PLAAT5: variants seen among roughly 807,000 people sequenced by gnomAD.
The protein encoded by PLAAT5 is phospholipase A and acyltransferase 5.
Under a neutral mutation model 27.8 loss-of-function variants are expected in PLAAT5, and 27 were observed. The observed-to-expected ratio is 0.97, with a 90% CI of 0.72 to 1.34. The LOEUF is 1.34. Ranked by LOEUF, PLAAT5 falls within the 40% of genes most tolerant of loss-of-function variation. The pLI, the probability that PLAAT5 is intolerant of heterozygous loss-of-function variation, is 0.00. For synonymous variants in PLAAT5, 125 were observed against 136.1 expected (o/e 0.92, Z 0.57); for missense variants, 368 against 343.8 (o/e 1.07, Z -0.56).
intron 3 of PLAAT5, among the ~76,000 whole-genome samples, chr11:63,486,448 A>G (rs1340862390): frequency 6.6e-6 from 1 of 152,158 alleles, no homozygotes; most frequent in Non-Finnish European, 1.5e-5. Context: ...ACACACACAC[A>G]TACACACACA....
intron 3 of PLAAT5, among the ~76,000 whole-genome samples, chr11:63,485,886 G>C (rs537555794): frequency 1.3e-5 from 2 of 152,148 alleles, no homozygotes; most frequent in African/African-American, 4.8e-5. Context: ...TTCAACAAAG[G>C]ACTAATATCC....
At chr11:63,480,513 G>C (rs753998566) in intron 3 of PLAAT5, among the ~76,000 whole-genome samples, 7 of 152,206 alleles carry the variant, frequency 4.6e-5, no homozygotes, top group Non-Finnish European at 7.3e-5. Context: ...GGGATTCACA[G>C]AGACTTAACA....
chr11:63,463,677 T>C (rs1419205399), intron 5 of PLAAT5, 82 bp from the exon 6 acceptor site: 1 of 1,029,748 alleles, frequency 9.7e-7, no homozygotes, highest in Non-Finnish European at 1.5e-6. Flanking sequence ...ACCATACCCA[T>C]TCAGCAACCA....
chr11:63,490,238 C>T lies in PLAAT5; in HGVS notation c.239+5G>A, dbSNP rs748242158. 18 of 1,614,106 alleles carry T rather than the reference C, an allele frequency of 1.1e-5. No individual in the cohort carries two copies. The East Asian group carries it at 2.9e-4, about 26-fold the overall frequency. On this transcript the variant is annotated splice_donor_5th_base_variant and intron_variant, in intron 2 of 5. Transcript: ENST00000540857. ...CCAAAGACCCCAACCTTACAATCTTCTTACCCTTGCTGGATGCTTCTGCCC... is the reference window on the plus strand; with the variant it reads ...CCAAAGACCCCAACCTTACAATCTTTTTACCCTTGCTGGATGCTTCTGCCC...
chr11:63,473,860 C>T (rs904390985), intron 3 of PLAAT5, among the ~76,000 whole-genome samples: 7 of 151,826 alleles, frequency 4.6e-5, no homozygotes, highest in East Asian at 1.9e-4. Flanking sequence ...TACAGGCATG[C>T]GTCACCACTC....
At position 63,466,309 on chromosome 11, in the gene PLAAT5, C is replaced by T; in HGVS notation, c.518G>A (p.Ser173Asn). Residue 173 changes from serine (S) to asparagine (N), a missense_variant, in exon 5 of 6, where the codon AGT (serine) becomes AAT (asparagine). By Grantham distance (46) the Ser-to-Asn change is conservative. Transcript: ENST00000540857. ...IFSNRAVVKY[S>N]RLEDVLHGCS... ...GCCATGCAGCACATCCTCCAGACGA[C>T]TGTATTTCACCACGGCCCGATTGCT... 6.2e-7 allele frequency: 1 copy of T among 1,614,176 alleles called. No individual in the cohort carries two copies. Among genetic ancestry groups the T allele is most frequent in the Non-Finnish European group, 8.5e-7 (1 of 1,180,026 alleles).
intron 3 of PLAAT5, among the ~76,000 whole-genome samples, chr11:63,475,240 G>A (rs1402700378): frequency 6.6e-6 from 1 of 151,772 alleles, no homozygotes; most frequent in Non-Finnish European, 1.5e-5. Context: ...TTGAGAGTGG[G>A]GTATTGAAGT....
In PLAAT5 at chr11:63,468,255, T is replaced by C; in HGVS notation, c.454+102A>G. The C allele has an allele frequency of 4.5e-6, 4 of 879,564 alleles. 1 individual carries two copies. The South Asian group carries it at 4.6e-5, about 10-fold the overall frequency. The allele number at this position is 879,564 out of a possible 1,614,324, so 54.5% of individuals were successfully genotyped here. On this transcript the variant is annotated intron_variant, in intron 4 of 5. Coordinates refer to ENST00000540857, the MANE Select transcript of PLAAT5 (RefSeq NM_001146729.2). ...TCCAGTCATGCTTCAAGGGGTCCCATTGCTAAAGAATGGCAGTAACTGAGG... is the reference window on the plus strand; with the variant it reads ...TCCAGTCATGCTTCAAGGGGTCCCACTGCTAAAGAATGGCAGTAACTGAGG...
At chr11:63,468,705 C>T (rs113386240) in intron 3 of PLAAT5, among the ~76,000 whole-genome samples, 2 of 152,222 alleles carry the variant, frequency 1.3e-5, no homozygotes, top group African/African-American at 4.8e-5. Flanking sequence ...TATTGCCTCT[C>T]AGCTGTGAAT....
rs1242897358 is a variant in PLAAT5, at chr11:63,466,359, C to A, written c.468G>T (p.Glu156Asp). ...TAAAGATGGAAGTAATGCTGCCCAC[C>A]TCAAACTCCTCACCTGGAGACCAAA... The part of the protein sequence containing the change: ...VHLAPPSEEF[E>D]VGSITSIFSN... Residue 156 changes from glutamate (E) to aspartate (D), a missense_variant, in exon 5 of 6, where the codon GAG becomes GAT. Physicochemically the swap from Glu to Asp is conservative, Grantham distance 45 (BLOSUM62 2). Coordinates refer to ENST00000540857, the MANE Select transcript of PLAAT5 (RefSeq NM_001146729.2). The A allele has an allele frequency of 6.2e-7, 1 of 1,614,024 alleles. No individual in the cohort carries two copies.
intron 2 of PLAAT5, among the ~76,000 whole-genome samples, chr11:63,489,487 A>G (rs1274796450): frequency 6.6e-6 from 1 of 152,244 alleles, no homozygotes; most frequent in Non-Finnish European, 1.5e-5. Flanking sequence ...GTTACAGGAG[A>G]GGACAGAAAT....
intron 3 of PLAAT5, chr11:63,470,790 CAT>C (rs1160159964): frequency 1.3e-5 from 2 of 152,226 alleles, no homozygotes; most frequent in Non-Finnish European, 2.9e-5. Flanking sequence ...TATCTGCTCA[CAT>C]CTTACTCAAA....
chr11:63,468,524 T>A, intron 3 of PLAAT5, 59 bp from the exon 4 acceptor site: 1 of 1,300,452 alleles, frequency 7.7e-7, no homozygotes, highest in Non-Finnish European at 1.1e-6. Flanking sequence ...GAGACCTTGT[T>A]TTAGGATCAG....
chr11:63,490,668 C>G (rs2016542293), intron 1 of PLAAT5: 1 of 615,468 alleles, frequency 1.6e-6, no homozygotes, highest in African/African-American at 1.9e-5. Context: ...GCCACCACTG[C>G]CTCACTTCCA....
chr11:63,468,977 C>T (rs1264086428), intron 3 of PLAAT5, among the ~76,000 whole-genome samples: 2 of 152,106 alleles, frequency 1.3e-5, no homozygotes, highest in African/African-American at 4.8e-5. Flanking sequence ...CTGATTCCCT[C>T]TGCAGGGCCC....
chr11:63,490,377 G>T, intron 1 of PLAAT5, 44 bp from the exon 2 acceptor site: 7 of 1,613,746 alleles, frequency 4.3e-6, no homozygotes, highest in South Asian at 2.2e-5. Context: ...TGAAAGGAGA[G>T]TTCGAGCAAG....
At chr11:63,464,666 G>A (rs1439231313) in intron 5 of PLAAT5, among the ~76,000 whole-genome samples, 6 of 152,018 alleles carry the variant, frequency 3.9e-5, no homozygotes, top group Non-Finnish European at 4.4e-5. Context: ...AAAAAAAAAG[G>A]GGAGTAGTGA....
At position 63,463,942 on chromosome 11, in the gene PLAAT5, G is replaced by A. The variant is rs555979280; in HGVS notation, c.718-347C>T. On this transcript the variant is annotated intron_variant, in intron 5 of 5. Transcript: ENST00000540857. The stretch of plus-strand genomic sequence containing the variant: ...AGAGCCAGGGAGCGGAACTCACTTG[G>A]ACAGAGCCATACAGTGAATTCATGT... Among the ~76,000 whole-genome samples, 16 of 152,298 alleles carry A rather than the reference G, an allele frequency of 1.1e-4. No homozygotes were observed. In the South Asian group the frequency reaches 2.9e-3, roughly 28 times the overall value.
At chr11:63,472,987 G>A (rs1428568710) in intron 3 of PLAAT5, among the ~76,000 whole-genome samples, 1 of 152,036 alleles carries the variant, frequency 6.6e-6, no homozygotes, top group African/African-American at 2.4e-5. Flanking sequence ...GCACACGCCT[G>A]TAGTCCCAGT....
Sources: gnomAD v4.1 joint callset for allele counts (sites outside exome capture counted in the v4.1 genomes callset) on GRCh38, gnomAD v4.1.1 for gene constraint, MANE v1.5 for transcripts, NCBI Gene and HGNC (gene_info 2026-07-23, HGNC 2026-07-21) for gene names.